PAK1: variants seen among roughly 807,000 people sequenced by gnomAD.
PAK1 encodes the protein p21 (RAC1) activated kinase 1, also known as serine/threonine-protein kinase PAK 1.
Under a neutral mutation model 67.4 loss-of-function variants are expected in PAK1, and 29 were observed. That is an observed-to-expected ratio of 0.43 (90% CI 0.32 to 0.59). PAK1 has a LOEUF of 0.59. PAK1 is among the 20% of genes least tolerant of loss of function. PAK1 has a pLI of 0.07. For missense variants in PAK1, 337 were observed against 670.7 expected, an observed-to-expected ratio of 0.50 and a Z score of 5.50; for synonymous variants, 223 against 237.4, an observed-to-expected ratio of 0.94 and a Z score of 0.56.
the PAK1 span, among the ~76,000 whole-genome samples, chr11:77,522,038 C>T: frequency 1.3e-5 from 2 of 152,134 alleles, no homozygotes; most frequent in African/African-American, 4.8e-5. Flanking sequence ...GATAGGATTG[C>T]ATTGTTTGCA....
intron 1 of PAK1, among the ~76,000 whole-genome samples, chr11:77,459,684 C>G (rs950719088): frequency 7.3e-6 from 1 of 137,584 alleles, no homozygotes; most frequent in African/African-American, 2.6e-5. Context: ...AGGGGCTCTT[C>G]TTCTTCTTTT....
At chr11:77,439,007 C>A (rs1956244935) in intron 1 of PAK1, among the ~76,000 whole-genome samples, 1 of 152,192 alleles carries the variant, frequency 6.6e-6, no homozygotes, top group East Asian at 1.9e-4. Flanking sequence ...AAGAGTCACA[C>A]CCAATGGTCC....
intron 1 of PAK1, among the ~76,000 whole-genome samples, chr11:77,465,983 C>A (rs1184200522): frequency 6.6e-6 from 1 of 152,126 alleles, no homozygotes; most frequent in Non-Finnish European, 1.5e-5. Context: ...AATAGTAATT[C>A]TCTAACAGGT....
intron 5 of PAK1, among the ~76,000 whole-genome samples, chr11:77,373,188 A>C (rs1180004646): frequency 6.6e-6 from 1 of 152,178 alleles, no homozygotes; most frequent in Non-Finnish European, 1.5e-5. Context: ...GCAAATGTTT[A>C]GTAAATCAAT....
At chr11:77,338,120 C>T (rs1012947835) in intron 11 of PAK1, among the ~76,000 whole-genome samples, 1 of 152,090 alleles carries the variant, frequency 6.6e-6, no homozygotes, top group South Asian at 2.1e-4. Flanking sequence ...AATTAAAATG[C>T]CTGGTTCTGC....
At chr11:77,414,946 A>G (rs1395293348) in intron 1 of PAK1, among the ~76,000 whole-genome samples, 2 of 152,214 alleles carry the variant, frequency 1.3e-5, no homozygotes, top group Non-Finnish European at 2.9e-5. Context: ...TTAAGAGAAC[A>G]AAGAAACAAA....
At chr11:77,370,034 T>G (rs531887908) in intron 5 of PAK1, among the ~76,000 whole-genome samples, 62 of 152,316 alleles carry the variant, frequency 4.1e-4, no homozygotes, top group African/African-American at 1.5e-3. Flanking sequence ...AGCATTAGTT[T>G]TTCTGAAACT....
chr11:77,393,297 G>GAGAC (rs1951397682), intron 1 of PAK1, among the ~76,000 whole-genome samples: 1 of 150,998 alleles, frequency 6.6e-6, no homozygotes. Context: ...GAGAGAGAGA[G>GAGAC]AGAGAGAGAG....
At chr11:77,376,136 G>C (rs1329773692) in intron 4 of PAK1, among the ~76,000 whole-genome samples, 1 of 152,066 alleles carries the variant, frequency 6.6e-6, no homozygotes, top group Non-Finnish European at 1.5e-5. Context: ...CCAACTTTAC[G>C]TACTGCTAGT....
At chr11:77,528,338 TG>T in the PAK1 span, among the ~76,000 whole-genome samples, 2 of 151,736 alleles carry the variant, frequency 1.3e-5, no homozygotes, top group Admixed American at 1.3e-4. Context: ...CTTTTTTTTT[TG>T]TTTGTATGTG....
chr11:77,324,515 G>A, intron 14 of PAK1, among the ~76,000 whole-genome samples: 1 of 151,904 alleles, frequency 6.6e-6, no homozygotes, highest in East Asian at 1.9e-4. Flanking sequence ...TAAAAATGGT[G>A]CTTTTTTTTC....
intron 1 of PAK1, among the ~76,000 whole-genome samples, chr11:77,404,928 G>A (rs1470783553): frequency 1.3e-5 from 2 of 152,206 alleles, no homozygotes; most frequent in African/African-American, 4.8e-5. Flanking sequence ...GATGCAGACA[G>A]AGAAATACAC....
chr11:77,331,527 T>C (rs1343208599), intron 14 of PAK1, among the ~76,000 whole-genome samples: 1 of 152,018 alleles, frequency 6.6e-6, no homozygotes, highest in Non-Finnish European at 1.5e-5. Context: ...CAGCAAACTA[T>C]TGCAAGGACA....
chr11:77,406,066 T>C (rs910805225), intron 1 of PAK1, among the ~76,000 whole-genome samples: 3 of 152,184 alleles, frequency 2.0e-5, no homozygotes, highest in Non-Finnish European at 4.4e-5. Flanking sequence ...GTTTGCAGAA[T>C]CCTCCTTCTC....
intron 1 of PAK1, among the ~76,000 whole-genome samples, chr11:77,400,311 G>A (rs1199304115): frequency 1.3e-5 from 2 of 152,120 alleles, no homozygotes; most frequent in Non-Finnish European, 2.9e-5. Context: ...GATCACAGCA[G>A]GTCTTTTATG....
At chr11:77,499,174 A>G in the PAK1 span, among the ~76,000 whole-genome samples, 1 of 150,882 alleles carries the variant, frequency 6.6e-6, no homozygotes. Context: ...TAAAGGGAGG[A>G]AAATAAAATT....
chr11:77,497,245 G>C, the PAK1 span, among the ~76,000 whole-genome samples: 1 of 152,248 alleles, frequency 6.6e-6, no homozygotes, highest in Non-Finnish European at 1.5e-5. Flanking sequence ...GTAGGCACTA[G>C]AGGTATGGAG....
upstream of PAK1, among the ~76,000 whole-genome samples, chr11:77,478,672 A>C (rs12286502): frequency 0.43 from 65,515 of 150,838 alleles, 14,959 homozygotes; most frequent in African/African-American, 0.59. Flanking sequence ...CCCAGCTGCT[A>C]GGGAGGCTGA....
the PAK1 span, among the ~76,000 whole-genome samples, chr11:77,512,519 A>T: frequency 6.6e-6 from 1 of 152,042 alleles, no homozygotes; most frequent in African/African-American, 2.4e-5. Context: ...GTAATGGTAC[A>T]GGTTTGATGC....
Sources: gnomAD v4.1 joint callset for allele counts (sites outside exome capture counted in the v4.1 genomes callset) on GRCh38, gnomAD v4.1.1 for gene constraint, MANE v1.5 for transcripts, NCBI Gene and HGNC (gene_info 2026-07-23, HGNC 2026-07-21) for gene names.